MYT1L: variants seen among roughly 807,000 people sequenced by gnomAD.
MYT1L encodes the protein myelin transcription factor 1 like, also known as myelin transcription factor 1-like protein.
Under a neutral mutation model 126.7 loss-of-function variants are expected in MYT1L, and 12 were observed. The observed-to-expected ratio is 0.09, with a 90% CI of 0.06 to 0.15. The LOEUF (loss-of-function observed/expected upper bound fraction) is 0.15. Among genes scored for constraint, MYT1L ranks in the 10% least tolerant of loss-of-function variants. The pLI, the probability that MYT1L is intolerant of heterozygous loss-of-function variation, is 1.00. For synonymous variants in MYT1L, 541 were observed against 604.2 expected (o/e 0.90, Z 1.53); for missense variants, 979 against 1,585.2 (o/e 0.62, Z 6.49).
rs1265232116 is a variant in MYT1L at position 1,907,087 on chromosome 2, G to A, written c.1817+3153C>T. Among the ~76,000 whole-genome samples the A allele has an allele frequency of 7.9e-5, 12 of 151,104 alleles. No homozygotes were observed. In the East Asian group the frequency reaches 1.4e-3, roughly 17 times the overall value. On this transcript the variant is annotated intron_variant, in intron 13 of 24. Coordinates refer to ENST00000647738, the MANE Select transcript of MYT1L (RefSeq NM_001303052.2). The stretch of plus-strand genomic sequence containing the variant: ...TAATTGTGCCACTGTACTCCAGCCT[G>A]GGTGACAGAGTGAGACCCTGTCTCT...
At chr2:2,296,397 A>G (rs1330403859) in intron 1 of MYT1L, among the ~76,000 whole-genome samples, 1 of 152,232 alleles carries the variant, frequency 6.6e-6, no homozygotes, top group Non-Finnish European at 1.5e-5. Flanking sequence ...TGTGATTCAC[A>G]ATGACAACTA....
At chr2:2,220,303 G>A (rs187741961) in intron 2 of MYT1L, among the ~76,000 whole-genome samples, 15 of 152,274 alleles carry the variant, frequency 9.9e-5, no homozygotes, top group African/African-American at 3.6e-4. Flanking sequence ...GTTCAGAAAG[G>A]CGGGACAACT....
At chr2:1,965,061 G>A (rs2149405084) in intron 8 of MYT1L, among the ~76,000 whole-genome samples, 1 of 152,346 alleles carries the variant, frequency 6.6e-6, no homozygotes, top group East Asian at 1.9e-4. Context: ...GAGTATTCCG[G>A]TCACCAGCAG....
At chr2:2,280,823 C>T (rs911174225) in intron 2 of MYT1L, among the ~76,000 whole-genome samples, 1 of 152,184 alleles carries the variant, frequency 6.6e-6, no homozygotes, top group Non-Finnish European at 1.5e-5. Context: ...CACAAAATTT[C>T]ATCCTAAAAT....
Position 1,923,074 on chromosome 2 carries a change from CTATTGGAGG to C in MYT1L, c.686_694del (p.Thr229_Asn231del). ...GTTTTTGTCACTATCGTCTTCCAGACTATTGGAGGTATTGCTGTTCATTTCTGACTCAGT... is the reference window on the plus strand; with the variant it reads ...GTTTTTGTCACTATCGTCTTCCAGACTATTGCTGTTCATTTCTGACTCAGT... On this transcript the variant is annotated inframe_deletion, in exon 10 of 25. Transcript: ENST00000647738. 6.2e-7 allele frequency: 1 copy of C among 1,614,018 alleles called. No individual in the cohort carries two copies. The highest frequency in any genetic ancestry group is 1.1e-5 in the South Asian group (1 of 91,080).
chr2:2,134,054 T>A (rs2082721658), intron 3 of MYT1L, among the ~76,000 whole-genome samples: 1 of 152,180 alleles, frequency 6.6e-6, no homozygotes, highest in Non-Finnish European at 1.5e-5. Context: ...CTCCTGATGG[T>A]GGTGTGGTGA....
intron 2 of MYT1L, among the ~76,000 whole-genome samples, chr2:2,214,399 T>C (rs1457206806): frequency 6.6e-6 from 1 of 150,754 alleles, no homozygotes; most frequent in African/African-American, 2.4e-5. Context: ...CAAGAACACA[T>C]AGAAAATTAC....
At chr2:2,042,105 G>C (rs2067622222) in intron 4 of MYT1L, among the ~76,000 whole-genome samples, 1 of 152,156 alleles carries the variant, frequency 6.6e-6, no homozygotes, top group African/African-American at 2.4e-5. Context: ...ACCCTCTCGA[G>C]GGGCTGGGCA....
intron 2 of MYT1L, among the ~76,000 whole-genome samples, chr2:2,207,897 G>T (rs973809625): frequency 6.6e-6 from 1 of 152,212 alleles, no homozygotes; most frequent in African/African-American, 2.4e-5. Flanking sequence ...ATGATGTGCG[G>T]TGTATTCCAG....
intron 18 of MYT1L, among the ~76,000 whole-genome samples, chr2:1,853,858 A>G (rs2043581938): frequency 6.6e-6 from 1 of 152,186 alleles, no homozygotes; most frequent in African/African-American, 2.4e-5. Context: ...ATTCAGTGAA[A>G]ATCATATTTT....
intron 11 of MYT1L, among the ~76,000 whole-genome samples, chr2:1,914,992 C>T (rs2052612654): frequency 6.6e-6 from 1 of 152,042 alleles, no homozygotes; most frequent in African/African-American, 2.4e-5. Flanking sequence ...CCCGCCTAGA[C>T]CATGCTGTGG....
At chr2:2,187,235 T>C (rs2092277227) in intron 2 of MYT1L, among the ~76,000 whole-genome samples, 1 of 152,042 alleles carries the variant, frequency 6.6e-6, no homozygotes, top group South Asian at 2.1e-4. Context: ...GCTCTGTCCG[T>C]TCCCTCTGGA....
intron 1 of MYT1L, chr2:2,326,996 T>C (rs2096252199): frequency 6.6e-6 from 1 of 152,014 alleles, no homozygotes; most frequent in African/African-American, 2.4e-5. Flanking sequence ...ACAAAGATAT[T>C]ACAAACAGAA....
At chr2:2,040,489 C>T (rs1352750660) in intron 4 of MYT1L, among the ~76,000 whole-genome samples, 3 of 152,082 alleles carry the variant, frequency 2.0e-5, no homozygotes, top group African/African-American at 7.2e-5. Context: ...CAGGGTGTCC[C>T]CGTTCCAGAA....
intron 4 of MYT1L, among the ~76,000 whole-genome samples, chr2:2,032,104 C>A (rs1434872389): frequency 9.1e-5 from 12 of 131,640 alleles, no homozygotes; most frequent in East Asian, 7.3e-4. Flanking sequence ...CACCCCTCGC[C>A]AGTGCCTCTC....
chr2:2,197,794 T>C lies in MYT1L; in HGVS notation c.-420-24806A>G, dbSNP rs2092881800. ...AATGTGTAGAGATGTATATAACATA[T>C]ACACACATATATACACACATGCACA... On this transcript the variant is annotated intron_variant, in intron 2 of 24. Transcript: ENST00000647738. Among the ~76,000 whole-genome samples, 3 of 144,054 alleles carry C rather than the reference T, an allele frequency of 2.1e-5. No homozygotes were observed. The South Asian group carries it at 6.6e-4, about 32-fold the overall frequency. The allele number at this position is 144,054 out of a possible 152,430, so 94.5% of individuals were successfully genotyped here.
At chr2:2,315,819 C>A (rs2096056612) in intron 1 of MYT1L, among the ~76,000 whole-genome samples, 1 of 152,116 alleles carries the variant, frequency 6.6e-6, no homozygotes, top group Non-Finnish European at 1.5e-5. Context: ...ATTTCTATTG[C>A]CTGTAAATTT....
intron 2 of MYT1L, among the ~76,000 whole-genome samples, chr2:2,272,255 A>G (rs2891687): frequency 0.038 from 5,823 of 151,644 alleles, 350 homozygotes; most frequent in African/African-American, 0.13. Context: ...TCTTCCCAAC[A>G]CTGCTGGGTT....
At chr2:1,961,490 A>C (rs2058955464) in intron 8 of MYT1L, among the ~76,000 whole-genome samples, 2 of 152,156 alleles carry the variant, frequency 1.3e-5, no homozygotes, top group Admixed American at 1.3e-4. Context: ...TGTCTAAAGC[A>C]GTTCTTGCTC....
Sources: allele counts gnomAD v4.1 joint callset (sites outside exome capture counted in the v4.1 genomes callset), GRCh38; gene constraint gnomAD v4.1.1; transcripts MANE v1.5; gene names NCBI Gene and HGNC (gene_info 2026-07-23, HGNC 2026-07-21).